ZNF804B: variants seen among roughly 807,000 people sequenced by gnomAD.
ZNF804B encodes the protein zinc finger protein 804B, also known as zinc finger 804B.
ZNF804B carries 80 observed loss-of-function variants against 101.4 expected under a neutral mutation model. The ratio of observed to expected loss-of-function variants is 0.79; its 90% CI spans 0.66 to 0.95. The LOEUF is 0.95. Among genes scored for constraint, ZNF804B ranks in the 40% least tolerant of loss-of-function variants. The pLI is 0.00. For missense variants in ZNF804B, 1,673 were observed against 1,561.9 expected, an observed-to-expected ratio of 1.07 and a Z score of -1.20; for synonymous variants, 622 against 558.8, an observed-to-expected ratio of 1.11 and a Z score of -1.59.
At chr7:89,314,478 T>C (rs1204953654) in intron 2 of ZNF804B, among the ~76,000 whole-genome samples, 7 of 152,128 alleles carry the variant, frequency 4.6e-5, no homozygotes, top group Non-Finnish European at 1.0e-4. Context: ...GCTGGTTGAG[T>C]CAAGCATTCT....
chr7:89,334,777 G>A lies in ZNF804B; in HGVS notation c.1795G>A (p.Glu599Lys). 6.2e-7 allele frequency: 1 copy of A among 1,613,782 alleles called. No individual in the cohort carries two copies. Among genetic ancestry groups the A allele is most frequent in the Non-Finnish European group, 8.5e-7 (1 of 1,179,878 alleles). The change falls in exon 4 of 4, where the codon GAG becomes AAG. Residue 599 changes from glutamate (E) to lysine (K), a missense_variant. By Grantham distance (56) the Glu-to-Lys change is moderately conservative. Transcript: ENST00000333190. ...KDCAGKNNSS[E>K]NKLKEASRAH... ...TTGTGCTGGAAAGAATAATAGTAGT[G>A]AGAACAAACTTAAGGAAGCTTCAAG...
intron 1 of ZNF804B, among the ~76,000 whole-genome samples, chr7:88,844,942 G>C (rs1158541620): frequency 1.3e-5 from 2 of 152,120 alleles, no homozygotes; most frequent in African/African-American, 2.4e-5. Context: ...CTTAATATTT[G>C]TGGATCTGCG....
At chr7:89,168,203 A>G (rs1057220812) in intron 1 of ZNF804B, among the ~76,000 whole-genome samples, 3 of 152,102 alleles carry the variant, frequency 2.0e-5, no homozygotes, top group Admixed American at 6.5e-5. Flanking sequence ...ACTGATTATC[A>G]TAAGCTTTTT....
At chr7:89,194,611 T>C (rs1788516376) in intron 1 of ZNF804B, among the ~76,000 whole-genome samples, 1 of 151,706 alleles carries the variant, frequency 6.6e-6, no homozygotes, top group African/African-American at 2.4e-5. Context: ...TTGTCAAAGA[T>C]CAGATAGTTG....
intron 1 of ZNF804B, among the ~76,000 whole-genome samples, chr7:89,123,157 CTT>C (rs61180790): frequency 0.3 from 43,821 of 147,040 alleles, 6,810 homozygotes; most frequent in East Asian, 0.58. Context: ...CCAAGTTCAG[CTT>C]TTTTTTTTTT....
chr7:88,819,120 TTTTTG>T (rs772512880), intron 1 of ZNF804B, among the ~76,000 whole-genome samples: 1 of 152,040 alleles, frequency 6.6e-6, no homozygotes, highest in Non-Finnish European at 1.5e-5. Flanking sequence ...CATTTTCTTT[TTTTTG>T]TTTTGTTTTG....
intron 1 of ZNF804B, among the ~76,000 whole-genome samples, chr7:89,076,550 A>G (rs1789617599): frequency 6.6e-6 from 1 of 152,158 alleles, no homozygotes; most frequent in Admixed American, 6.5e-5. Flanking sequence ...AAATGGACTA[A>G]TACAATCAGT....
At chr7:89,018,806 A>G (rs1788613027) in intron 1 of ZNF804B, among the ~76,000 whole-genome samples, 1 of 151,968 alleles carries the variant, frequency 6.6e-6, no homozygotes, top group Non-Finnish European at 1.5e-5. Context: ...AGAATCTCTA[A>G]TAACCTCTTG....
chr7:88,769,276 T>G (rs1477212088), intron 1 of ZNF804B, among the ~76,000 whole-genome samples: 1 of 152,206 alleles, frequency 6.6e-6, no homozygotes, highest in Non-Finnish European at 1.5e-5. Context: ...ATAGAGAATT[T>G]TTTCCCCAGT....
At chr7:88,854,547 CT>C (rs1384628828) in intron 1 of ZNF804B, among the ~76,000 whole-genome samples, 1 of 97,102 alleles carries the variant, frequency 1.0e-5, no homozygotes, top group African/African-American at 4.5e-5. Flanking sequence ...TCCTTCCTTC[CT>C]TCCTTCCTTC....
At chr7:89,316,347 G>A (rs967020273) in intron 2 of ZNF804B, among the ~76,000 whole-genome samples, 15 of 152,026 alleles carry the variant, frequency 9.9e-5, no homozygotes, top group African/African-American at 3.6e-4. Flanking sequence ...TCACAATGCT[G>A]ACAAAATCTA....
chr7:89,091,388 T>C (rs752298195), intron 1 of ZNF804B, among the ~76,000 whole-genome samples: 2 of 152,146 alleles, frequency 1.3e-5, no homozygotes, highest in African/African-American at 2.4e-5. Flanking sequence ...AAAAAGTTTA[T>C]TATTTTACAA....
At chr7:89,119,280 C>T (rs1296070873) in intron 1 of ZNF804B, among the ~76,000 whole-genome samples, 4 of 152,030 alleles carry the variant, frequency 2.6e-5, no homozygotes, top group African/African-American at 9.7e-5. Flanking sequence ...TACAACAGAA[C>T]ATTTCAAAAG....
chr7:89,033,042 A>T (rs889899546), intron 1 of ZNF804B, among the ~76,000 whole-genome samples: 2 of 102,064 alleles, frequency 2.0e-5, no homozygotes, highest in African/African-American at 2.9e-5. Flanking sequence ...ATTTAAAAGG[A>T]AAAAAAAAAA....
At chr7:89,304,788 C>T (rs1469273011) in intron 2 of ZNF804B, among the ~76,000 whole-genome samples, 2 of 151,864 alleles carry the variant, frequency 1.3e-5, no homozygotes, top group Non-Finnish European at 2.9e-5. Flanking sequence ...CCATCTAAGT[C>T]CAAGTCCCCA....
chr7:89,036,700 T>C (rs2027975), intron 1 of ZNF804B, among the ~76,000 whole-genome samples: 17,900 of 152,086 alleles, frequency 0.12, 1,519 homozygotes, highest in East Asian at 0.29. Flanking sequence ...GACACCTGAT[T>C]TCCTGGTAAT....
intron 1 of ZNF804B, among the ~76,000 whole-genome samples, chr7:88,881,022 A>C (rs544876958): frequency 3.3e-5 from 5 of 152,198 alleles, no homozygotes; most frequent in African/African-American, 1.2e-4. Flanking sequence ...TCTAACTCAT[A>C]GTAAAATGAG....
chr7:88,927,530 T>C (rs1792824023), intron 1 of ZNF804B, among the ~76,000 whole-genome samples: 1 of 152,238 alleles, frequency 6.6e-6, no homozygotes, highest in Non-Finnish European at 1.5e-5. Context: ...TTACTCATCT[T>C]ATAAGCAGCC....
At chr7:89,039,222 T>G (rs1014401674) in intron 1 of ZNF804B, among the ~76,000 whole-genome samples, 4 of 152,088 alleles carry the variant, frequency 2.6e-5, no homozygotes, top group South Asian at 2.1e-4. Context: ...ATTACAATTT[T>G]AATAGGGATT....
Sources: allele counts gnomAD v4.1 joint callset (sites outside exome capture counted in the v4.1 genomes callset), GRCh38; gene constraint gnomAD v4.1.1; transcripts MANE v1.5; gene names NCBI Gene and HGNC (gene_info 2026-07-23, HGNC 2026-07-21).